The following ADAMTS16 variants were observed in gnomAD, a reference collection of about 807,000 sequenced individuals.
ADAMTS16 encodes the protein ADAM metallopeptidase with thrombospondin type 1 motif 16, also known as A disintegrin and metalloproteinase with thrombospondin motifs 16.
A neutral mutation model predicts 145.8 loss-of-function variants in ADAMTS16; 94 were observed. That is an observed-to-expected ratio of 0.64 (90% CI 0.55 to 0.77). ADAMTS16 has a LOEUF of 0.77. ADAMTS16 is among the 30% of genes least tolerant of loss of function. The pLI is 0.00. For missense variants in ADAMTS16, 1,585 were observed against 1,591.5 expected (o/e 1.00, Z 0.07); for synonymous variants, 659 against 604.3 (o/e 1.09, Z -1.33).
chr5:5,302,776 A>G (rs1455888887), intron 18 of ADAMTS16, among the ~76,000 whole-genome samples: 1 of 152,066 alleles, frequency 6.6e-6, no homozygotes, highest in South Asian at 2.1e-4. Flanking sequence ...AATGCTCTAG[A>G]TGTTATGGTG....
intron 9 of ADAMTS16, among the ~76,000 whole-genome samples, chr5:5,208,660 G>A (rs1220890768): frequency 1.3e-5 from 2 of 152,138 alleles, no homozygotes; most frequent in Admixed American, 1.3e-4. Context: ...GAAAAAGAAT[G>A]AAAAGCAAAG....
At chr5:5,288,907 A>G (rs995172849) in intron 18 of ADAMTS16, among the ~76,000 whole-genome samples, 1 of 152,186 alleles carries the variant, frequency 6.6e-6, no homozygotes, top group Non-Finnish European at 1.5e-5. Context: ...GGCTGCAGAC[A>G]GGGTCCTCGG....
Position 5,186,176 on chromosome 5 carries a change from G to T in ADAMTS16, c.888G>T (p.Val296=). 1.2e-6 allele frequency: 2 copies of T among 1,614,074 alleles called. No homozygotes were observed. The highest frequency in any genetic ancestry group is 1.7e-6 in the Non-Finnish European group (2 of 1,180,024). ...RNEELNVETL[V]VVDKKMMQNH... ...AAGAACTGAACGTGGAGACCTTGGT[G>T]GTGGTCGACAAAAAGATGATGCAAA... The change falls in exon 5 of 23, where the codon GTG becomes GTT. Residue 296 remains valine (V), a synonymous_variant. Coordinates refer to ENST00000274181, the MANE Select transcript of ADAMTS16 (RefSeq NM_139056.4).
chr5:5,196,547 T>A (rs1468034083), intron 8 of ADAMTS16, among the ~76,000 whole-genome samples: 2 of 152,214 alleles, frequency 1.3e-5, no homozygotes, highest in Non-Finnish European at 2.9e-5. Flanking sequence ...AGAGCATCAG[T>A]TCTTACCAAT....
At chr5:5,281,902 A>G (rs1738930002) in intron 18 of ADAMTS16, among the ~76,000 whole-genome samples, 1 of 152,226 alleles carries the variant, frequency 6.6e-6, no homozygotes, top group Non-Finnish European at 1.5e-5. Flanking sequence ...GTGTGATAAA[A>G]GTGAATAATG....
intron 3 of ADAMTS16, among the ~76,000 whole-genome samples, chr5:5,175,110 C>T (rs1431345967): frequency 1.3e-5 from 2 of 152,220 alleles, no homozygotes; most frequent in African/African-American, 2.4e-5. Context: ...AAATGTGCTA[C>T]GTCACACATG....
At chr5:5,262,286 G>A (rs368008537) in intron 17 of ADAMTS16, among the ~76,000 whole-genome samples, 44 of 152,296 alleles carry the variant, frequency 2.9e-4, no homozygotes, top group African/African-American at 9.9e-4. Context: ...TGGAACAGGT[G>A]TATTTAATAT....
Position 5,242,121 on chromosome 5 carries a change from G to T in ADAMTS16, c.2592G>T (p.Lys864Asn). The T allele has an allele frequency of 6.2e-7, 1 of 1,614,184 alleles. No homozygotes were observed. The highest frequency in any genetic ancestry group is 8.5e-7 in the Non-Finnish European group (1 of 1,180,034). ...CCATGCCTCGCTTGGGGACCGAGAA[G>T]CAGCCCCCTGCCCAGCCCAGCTACA... ...EYSMPRLGTE[K>N]QPPAQPSYTW... The change falls in exon 17 of 23, where the codon AAG becomes AAT. Residue 864 changes from lysine to asparagine, a missense_variant. Around this residue, in one of 3 missense-constraint regions of ADAMTS16, gnomAD observed 834 missense variants for 811.7 expected, o/e 1.03. Coordinates refer to ENST00000274181, the MANE Select transcript of ADAMTS16 (RefSeq NM_139056.4).
At chr5:5,170,686 C>T (rs1270837999) in intron 3 of ADAMTS16, among the ~76,000 whole-genome samples, 1 of 151,688 alleles carries the variant, frequency 6.6e-6, no homozygotes, top group Non-Finnish European at 1.5e-5. Flanking sequence ...CTCTTTTGCC[C>T]ATTGCTAAAT....
rs753540761 is a variant in ADAMTS16 at position 5,222,815 on chromosome 5, T to A, written c.1632T>A (p.His544Gln). The change falls in exon 11 of 23, where the codon CAT (histidine) becomes CAA (glutamine). Residue 544 changes from histidine (H) to glutamine (Q), a missense_variant. By Grantham distance (24) the His-to-Gln change is conservative (BLOSUM62 0). Transcript: ENST00000274181. ...ACATCTGTAAAGCCCTGTGGTGCCA[T>A]CGTATTGGAAGGAAATGTGAGACTA... Reference protein sequence around the residue: ...KKDICKALWCHRIGRKCETKF... With the variant: ...KKDICKALWCQRIGRKCETKF... 1 of 1,614,108 alleles carries A rather than the reference T, an allele frequency of 6.2e-7. No homozygotes were observed. Among genetic ancestry groups the A allele is most frequent in the South Asian group, 1.1e-5 (1 of 91,078 alleles).
intron 6 of ADAMTS16, among the ~76,000 whole-genome samples, 171 bp from the exon 7 acceptor site, chr5:5,189,800 A>G (rs1735606735): frequency 6.6e-6 from 1 of 152,226 alleles, no homozygotes; most frequent in Non-Finnish European, 1.5e-5. Flanking sequence ...TGTACACTGG[A>G]TCTGTACGGG....
At chr5:5,156,709 A>G (rs1734613472) in intron 3 of ADAMTS16, among the ~76,000 whole-genome samples, 1 of 152,058 alleles carries the variant, frequency 6.6e-6, no homozygotes, top group Non-Finnish European at 1.5e-5. Flanking sequence ...GTATTTCATG[A>G]CTCATACAGG....
At chr5:5,152,038 T>C (rs1433182958) in intron 3 of ADAMTS16, among the ~76,000 whole-genome samples, 3 of 152,244 alleles carry the variant, frequency 2.0e-5, no homozygotes, top group Non-Finnish European at 4.4e-5. Flanking sequence ...CTTAGCATAT[T>C]GTCTTCCAGG....
At chr5:5,307,777 G>A (rs1740240343) in intron 21 of ADAMTS16, among the ~76,000 whole-genome samples, 1 of 152,192 alleles carries the variant, frequency 6.6e-6, no homozygotes, top group South Asian at 2.1e-4. Flanking sequence ...GCGCTAGTGA[G>A]AGGCACAAGC....
intron 21 of ADAMTS16, among the ~76,000 whole-genome samples, chr5:5,309,698 C>T (rs4702258): frequency 0.49 from 74,532 of 151,518 alleles, 18,473 homozygotes; most frequent in East Asian, 0.59. Context: ...GTAACCCTCA[C>T]TGGCCAACCA....
intron 18 of ADAMTS16, 70 bp downstream of exon 18, chr5:5,262,853 C>T (rs957160306): frequency 1.4e-5 from 22 of 1,583,790 alleles, no homozygotes; most frequent in Non-Finnish European, 1.8e-5. Flanking sequence ...CTTGCAGCTC[C>T]TGATTTCGAG....
chr5:5,295,953 T>A (rs1241071408), intron 18 of ADAMTS16, among the ~76,000 whole-genome samples: 1 of 152,356 alleles, frequency 6.6e-6, no homozygotes, highest in East Asian at 1.9e-4. Flanking sequence ...AAGTTTAAGA[T>A]CTTGCCCTAA....
chr5:5,296,377 C>T (rs564195550), intron 18 of ADAMTS16, among the ~76,000 whole-genome samples: 5 of 152,196 alleles, frequency 3.3e-5, no homozygotes, highest in South Asian at 4.1e-4. Flanking sequence ...ATCGGTTGAC[C>T]GGACTCCCCG....
At chr5:5,251,060 A>G (rs1186689410) in intron 17 of ADAMTS16, among the ~76,000 whole-genome samples, 2 of 152,164 alleles carry the variant, frequency 1.3e-5, no homozygotes, top group Non-Finnish European at 2.9e-5. Context: ...GGCGTCAGCA[A>G]GACAGGATAT....
Sources: allele counts gnomAD v4.1 joint callset (sites outside exome capture counted in the v4.1 genomes callset), GRCh38; gene constraint gnomAD v4.1.1; regional missense constraint gnomAD v4.1.1; transcripts MANE v1.5; gene names NCBI Gene and HGNC (gene_info 2026-07-23, HGNC 2026-07-21).